Variants in RERG observed in about 807,000 individuals in gnomAD.
RERG encodes ras-related and estrogen-regulated growth inhibitor.
Under a neutral mutation model 23.2 loss-of-function variants are expected in RERG, and 25 were observed. The ratio of observed to expected loss-of-function variants is 1.08; its 90% CI spans 0.79 to 1.50. The LOEUF is 1.50. Among genes scored for constraint, RERG ranks in the 40% most tolerant of loss-of-function variants. RERG has a pLI of 0.00. For synonymous variants in RERG, 81 were observed against 89.1 expected, an observed-to-expected ratio of 0.91 and a Z score of 0.51; for missense variants, 253 against 250.1, an observed-to-expected ratio of 1.01 and a Z score of -0.08.
rs943952235 is a variant in RERG, at chr12:15,186,192, A to G, written c.61+31237T>C. Among the ~76,000 whole-genome samples, 67 of 151,732 alleles carry G rather than the reference A, an allele frequency of 4.4e-4. 4 individuals are homozygous for G. The highest frequency in any genetic ancestry group is 1.2e-4 in the Non-Finnish European group (8 of 67,918). ...CTTTCTCTTATATACATTATTTCAG[A>G]GGATACCCAAATAGCTATACAAATT... is the stretch of plus-strand genomic sequence containing the variant. On this transcript the variant is annotated intron_variant, in intron 2 of 4. Transcript: ENST00000256953.
chr12:15,148,269 C>T (rs1001150017), intron 2 of RERG, among the ~76,000 whole-genome samples: 4 of 152,266 alleles, frequency 2.6e-5, no homozygotes, highest in African/African-American at 9.6e-5. Flanking sequence ...AGTCAGAAGA[C>T]ACCCAGAAGG....
chr12:15,219,512 T>A (rs1454340247), intron 1 of RERG, among the ~76,000 whole-genome samples: 1 of 152,204 alleles, frequency 6.6e-6, no homozygotes, highest in Non-Finnish European at 1.5e-5. Context: ...CATCTGCAAT[T>A]TGTCCAGTCC....
intron 2 of RERG, among the ~76,000 whole-genome samples, chr12:15,173,791 G>A (rs1173815044): frequency 6.6e-6 from 1 of 151,606 alleles, no homozygotes; most frequent in Non-Finnish European, 1.5e-5. Flanking sequence ...TTAGTATATA[G>A]AAATATAATA....
At chr12:15,193,188 G>T (rs1203310458) in intron 2 of RERG, among the ~76,000 whole-genome samples, 1 of 152,022 alleles carries the variant, frequency 6.6e-6, no homozygotes, top group Admixed American at 6.6e-5. Context: ...TTTGTTAATT[G>T]GAATTGTGTT....
intron 2 of RERG, among the ~76,000 whole-genome samples, chr12:15,207,148 G>A (rs915368951): frequency 2.3e-4 from 35 of 151,958 alleles, no homozygotes; most frequent in African/African-American, 7.7e-4. Context: ...TCATCGTTTC[G>A]AGAACTAAAT....
At chr12:15,215,318 T>C (rs1865425429) in intron 2 of RERG, among the ~76,000 whole-genome samples, 1 of 152,084 alleles carries the variant, frequency 6.6e-6, no homozygotes, top group South Asian at 2.1e-4. Context: ...CGCAAGAGGA[T>C]GATATATAGA....
intron 3 of RERG, among the ~76,000 whole-genome samples, chr12:15,113,987 T>C (rs1451125413): frequency 6.6e-6 from 1 of 152,004 alleles, no homozygotes; most frequent in Non-Finnish European, 1.5e-5. Context: ...TATAGGAACT[T>C]AGTATATGAC....
rs183436430 is a variant in RERG, at chr12:15,208,651, T to C, written c.61+8778A>G. On this transcript the variant is annotated intron_variant, in intron 2 of 4. Coordinates refer to ENST00000256953, the MANE Select transcript of RERG (RefSeq NM_032918.3). ...GATCAGCTCTTCTAGAACTCAAAAT[T>C]GGTGCTCAACAGATACTTGTTGAAT... is the stretch of plus-strand genomic sequence containing the variant. Among the ~76,000 whole-genome samples the C allele has an allele frequency of 2.8e-3, 430 of 152,224 alleles. 4 individuals are homozygous for C. The highest frequency in any genetic ancestry group is 4.8e-3 in the Non-Finnish European group (327 of 67,994).
At chr12:15,152,284 C>A (rs1454929110) in intron 2 of RERG, among the ~76,000 whole-genome samples, 1 of 152,150 alleles carries the variant, frequency 6.6e-6, no homozygotes, top group Non-Finnish European at 1.5e-5. Context: ...ATATTTCTGG[C>A]TGTCCTACTG....
At chr12:15,210,434 T>C (rs1865351119) in intron 2 of RERG, among the ~76,000 whole-genome samples, 1 of 152,190 alleles carries the variant, frequency 6.6e-6, no homozygotes, top group African/African-American at 2.4e-5. Context: ...TAATTCTTAA[T>C]TTTGTTTTGT....
chr12:15,213,924 G>A (rs982063899), intron 2 of RERG, among the ~76,000 whole-genome samples: 1 of 151,622 alleles, frequency 6.6e-6, no homozygotes, highest in Admixed American at 6.6e-5. Context: ...GTATTGTTAT[G>A]ATCATCTGTG....
At chr12:15,149,052 G>C (rs1206412115) in intron 2 of RERG, among the ~76,000 whole-genome samples, 1 of 151,358 alleles carries the variant, frequency 6.6e-6, no homozygotes, top group Non-Finnish European at 1.5e-5. Context: ...GTATTCTTTA[G>C]TAGAGACGGG....
chr12:15,121,541 G>A (rs1487530462), intron 2 of RERG, among the ~76,000 whole-genome samples: 2 of 152,232 alleles, frequency 1.3e-5, no homozygotes, highest in African/African-American at 4.8e-5. Flanking sequence ...TTAGTGTAAT[G>A]AAAGCTCACT....
intron 2 of RERG, among the ~76,000 whole-genome samples, chr12:15,168,517 G>A (rs2136119960): frequency 6.6e-6 from 1 of 152,294 alleles, no homozygotes; most frequent in South Asian, 2.1e-4. Flanking sequence ...GAGCACTTTG[G>A]AAATTCATAA....
At chr12:15,160,010 G>A (rs565998715) in intron 2 of RERG, among the ~76,000 whole-genome samples, 8 of 152,186 alleles carry the variant, frequency 5.3e-5, no homozygotes, top group African/African-American at 1.9e-4. Flanking sequence ...ATACATTTTG[G>A]AAAATAGAGG....
intron 2 of RERG, among the ~76,000 whole-genome samples, chr12:15,195,593 G>A (rs891369287): frequency 1.3e-5 from 2 of 148,916 alleles, no homozygotes; most frequent in Non-Finnish European, 3.0e-5. Context: ...GTGTGTGTGT[G>A]TGTGTGTGCA....
intron 2 of RERG, among the ~76,000 whole-genome samples, chr12:15,137,281 CTA>C (rs1427125624): frequency 6.6e-6 from 1 of 151,500 alleles, no homozygotes; most frequent in Non-Finnish European, 1.5e-5. Context: ...TACTTTTAAT[CTA>C]TATGTGTCTT....
At chr12:15,129,057 T>C (rs1049416892) in intron 2 of RERG, among the ~76,000 whole-genome samples, 4 of 152,124 alleles carry the variant, frequency 2.6e-5, no homozygotes, top group Non-Finnish European at 5.9e-5. Context: ...AGATGTGAAG[T>C]ATGAGATCCC....
At chr12:15,195,470 T>G (rs1300402646) in intron 2 of RERG, among the ~76,000 whole-genome samples, 3 of 151,716 alleles carry the variant, frequency 2.0e-5, no homozygotes, top group Non-Finnish European at 4.4e-5. Context: ...TTCACCCTAT[T>G]CCACAAAAGA....
Sources: gnomAD v4.1 joint callset for allele counts (sites outside exome capture counted in the v4.1 genomes callset) on GRCh38, gnomAD v4.1.1 for gene constraint, MANE v1.5 for transcripts, NCBI Gene and HGNC (gene_info 2026-07-23, HGNC 2026-07-21) for gene names.